The following NRP1 variants were observed in gnomAD, a reference collection of about 807,000 sequenced individuals.
The protein encoded by NRP1 is neuropilin-1.
Under a neutral mutation model 106.7 loss-of-function variants are expected in NRP1, and 35 were observed. That is an observed-to-expected ratio of 0.33 (90% CI 0.25 to 0.43). The LOEUF (loss-of-function observed/expected upper bound fraction) is 0.43. Among genes scored for constraint, NRP1 ranks in the 20% least tolerant of loss-of-function variants. The pLI, the probability that NRP1 is intolerant of heterozygous loss-of-function variation, is 1.00. For synonymous variants in NRP1, 437 were observed against 417.9 expected, an observed-to-expected ratio of 1.05 and a Z score of -0.56; for missense variants, 1,024 against 1,170.4, an observed-to-expected ratio of 0.87 and a Z score of 1.83.
chr10:33,192,506 T>C (rs1836488539), intron 12 of NRP1, 88 bp from the exon 13 acceptor site: 1 of 1,370,450 alleles, frequency 7.3e-7, no homozygotes. Context: ...GGTTCACTCA[T>C]GGAAAGCACG....
At chr10:33,273,224 A>G (rs144201407) in intron 2 of NRP1, among the ~76,000 whole-genome samples, 1 of 152,294 alleles carries the variant, frequency 6.6e-6, no homozygotes, top group Non-Finnish European at 1.5e-5. Flanking sequence ...GAAGGCTGCT[A>G]TCGTTTTAGC....
rs532507838 is a variant in NRP1 at position 33,265,610 on chromosome 10, A to G, written c.431-1737T>C. ...AATCAATCCTTTCCTCCTCATGCAC[A>G]TATCGGCTATCCATGGATCCATGGC... On this transcript the variant is annotated intron_variant, in intron 3 of 16. Transcript: ENST00000374867. 4.6e-5 allele frequency among the ~76,000 whole-genome samples: 7 copies of G among 152,356 alleles called. No individual in the cohort carries two copies. The East Asian group carries it at 9.6e-4, about 21-fold the overall frequency.
intron 6 of NRP1, among the ~76,000 whole-genome samples, chr10:33,232,555 T>C (rs1840227085): frequency 6.6e-6 from 1 of 152,002 alleles, no homozygotes; most frequent in African/African-American, 2.4e-5. Flanking sequence ...AAACATCTGG[T>C]ATTTATCGAT....
intron 11 of NRP1, 95 bp downstream of exon 11, chr10:33,202,796 A>G (rs773675294): frequency 5.6e-6 from 9 of 1,609,282 alleles, no homozygotes; most frequent in African/African-American, 2.7e-5. Flanking sequence ...GCTCTCTGCC[A>G]TGCGGAGTTA....
intron 9 of NRP1, chr10:33,211,972 T>A (rs941231393): frequency 6.6e-6 from 1 of 152,202 alleles, no homozygotes; most frequent in Non-Finnish European, 1.5e-5. Flanking sequence ...TGGTCCATAT[T>A]TGAATCCTAA....
At chr10:33,236,298 T>C (rs1463796771) in intron 6 of NRP1, among the ~76,000 whole-genome samples, 1 of 152,228 alleles carries the variant, frequency 6.6e-6, no homozygotes, top group Admixed American at 6.5e-5. Context: ...CAAATATGTA[T>C]ACATGGGATG....
At chr10:33,290,160 T>C (rs4934864) in intron 2 of NRP1, among the ~76,000 whole-genome samples, 92,988 of 151,634 alleles carry the variant, frequency 0.61, 28,873 homozygotes, top group East Asian at 0.67. Flanking sequence ...TGCCTATATG[T>C]GATACGTCTA....
intron 6 of NRP1, among the ~76,000 whole-genome samples, chr10:33,230,357 G>A (rs1383971164): frequency 1.3e-5 from 2 of 152,098 alleles, no homozygotes; most frequent in African/African-American, 2.4e-5. Flanking sequence ...TTGCCACTTT[G>A]GCATGAAGAT....
chr10:33,267,818 A>T (rs928064209), intron 3 of NRP1, among the ~76,000 whole-genome samples: 5 of 152,168 alleles, frequency 3.3e-5, no homozygotes, highest in African/African-American at 1.2e-4. Context: ...TAGGAGGAGA[A>T]TTAGGGCGGT....
chr10:33,216,371 C>T lies in NRP1; in HGVS notation c.1283-2654G>A, dbSNP rs1347188884. The stretch of plus-strand genomic sequence containing the variant: ...CAGGATGGTCTCGATCTCCTGACCT[C>T]GTGATGCCTGCCTCGGCCTCCCAAA... On this transcript the variant is annotated intron_variant, in intron 8 of 16. Coordinates refer to ENST00000374867, the MANE Select transcript of NRP1 (RefSeq NM_003873.7). Among the ~76,000 whole-genome samples the T allele has an allele frequency of 7.2e-5, 11 of 152,158 alleles. No individual in the cohort carries two copies. The East Asian group carries it at 7.8e-4, about 11-fold the overall frequency.
intron 6 of NRP1, among the ~76,000 whole-genome samples, chr10:33,240,266 A>G (rs1411143378): frequency 6.6e-6 from 1 of 152,226 alleles, no homozygotes; most frequent in Non-Finnish European, 1.5e-5. Context: ...AAAGACTAGG[A>G]AAGTATTAAA....
intron 13 of NRP1, among the ~76,000 whole-genome samples, chr10:33,190,675 G>T (rs1474441165): frequency 6.6e-6 from 1 of 152,094 alleles, no homozygotes; most frequent in African/African-American, 2.4e-5. Context: ...ATGCCCCCCT[G>T]GGGTACCTTT....
At chr10:33,271,895 C>T (rs1343410318) in intron 2 of NRP1, among the ~76,000 whole-genome samples, 1 of 152,208 alleles carries the variant, frequency 6.6e-6, no homozygotes, top group Non-Finnish European at 1.5e-5. Flanking sequence ...TCTGATTCAT[C>T]TTCCATTTTT....
In NRP1 at chr10:33,180,288, A is replaced by T; in HGVS notation, c.2560T>A (p.Leu854Ile). ...SRKPGNVLKTLDPILITIIAM... is the reference protein window; with the variant it reads ...SRKPGNVLKTIDPILITIIAM... ...ATGATGGTGATGAGGATGGGGTCTA[A>T]GGTCTTCAACACATTGCCTGGCTTC... The change falls in exon 17 of 17, where the codon TTA (leucine) becomes ATA (isoleucine). Residue 854 changes from leucine (L) to isoleucine (I), a missense_variant. Physicochemically the swap from Leu to Ile is conservative, Grantham distance 5 (BLOSUM62 2). Coordinates refer to ENST00000374867, the MANE Select transcript of NRP1 (RefSeq NM_003873.7). 1 of 1,613,982 alleles carries T rather than the reference A, an allele frequency of 6.2e-7. No homozygotes were observed. The highest frequency in any genetic ancestry group is 8.5e-7 in the Non-Finnish European group (1 of 1,179,888).
chr10:33,220,376 G>A (rs11009305), intron 8 of NRP1, among the ~76,000 whole-genome samples: 42,850 of 151,848 alleles, frequency 0.28, 6,480 homozygotes, highest in East Asian at 0.62. Flanking sequence ...TAATATTAAA[G>A]GTAGTTCAAA....
intron 4 of NRP1, among the ~76,000 whole-genome samples, chr10:33,260,985 C>CAAAAA (rs35665366): frequency 1.5e-4 from 9 of 60,064 alleles, no homozygotes; most frequent in Non-Finnish European, 1.9e-4. Flanking sequence ...TGCCATTGAC[C>CAAAAA]AAAAAAAAAA....
At chr10:33,253,642 G>A (rs1264936371) in intron 6 of NRP1, among the ~76,000 whole-genome samples, 2 of 152,098 alleles carry the variant, frequency 1.3e-5, no homozygotes, top group Non-Finnish European at 2.9e-5. Context: ...TTTCATCCAG[G>A]AAATAAAAAC....
chr10:33,194,280 G>A (rs1249541574), intron 12 of NRP1: 1 of 156,002 alleles, frequency 6.4e-6, no homozygotes, highest in Non-Finnish European at 1.4e-5. Context: ...ATTGGAACAT[G>A]TTAATGTGTG....
intron 2 of NRP1, among the ~76,000 whole-genome samples, chr10:33,310,289 C>T (rs1846502461): frequency 8.0e-6 from 1 of 124,944 alleles, no homozygotes; most frequent in South Asian, 2.9e-4. Context: ...CTTGCTCTGT[C>T]GCCCAGGCTA....
Sources: gnomAD v4.1 joint callset for allele counts (sites outside exome capture counted in the v4.1 genomes callset) on GRCh38, gnomAD v4.1.1 for gene constraint, MANE v1.5 for transcripts, NCBI Gene and HGNC (gene_info 2026-07-23, HGNC 2026-07-21) for gene names.